Variants in ADORA2B observed in about 807,000 individuals in gnomAD.
ADORA2B encodes the protein adenosine receptor A2b.
Under a neutral mutation model 20.8 loss-of-function variants are expected in ADORA2B, and 18 were observed. The observed-to-expected ratio is 0.87, with a 90% CI of 0.60 to 1.29. ADORA2B has a LOEUF of 1.29. ADORA2B is among the 50% of genes most tolerant of loss of function. The pLI is 0.00. For missense variants in ADORA2B, 441 were observed against 422.7 expected (o/e 1.04, Z -0.38); for synonymous variants, 179 against 178.3 (o/e 1.00, Z -0.03).
chr17:15,867,490 G>T, the ADORA2B span, among the ~76,000 whole-genome samples: 2 of 149,200 alleles, frequency 1.3e-5, no homozygotes, highest in African/African-American at 5.1e-5. Flanking sequence ...TCTGAGAAGT[G>T]AGGAGCCCCT....
chr17:15,872,086 CAGAA>C, the ADORA2B span, among the ~76,000 whole-genome samples: 1 of 152,114 alleles, frequency 6.6e-6, no homozygotes, highest in Non-Finnish European at 1.5e-5. Flanking sequence ...TCCACAGAAA[CAGAA>C]AGCAGATGAG....
the ADORA2B span, among the ~76,000 whole-genome samples, chr17:15,876,332 C>T: frequency 6.6e-6 from 1 of 151,806 alleles, no homozygotes; most frequent in Non-Finnish European, 1.5e-5. Flanking sequence ...ACTTTTTTCT[C>T]TCCAAAAGCT....
chr17:15,974,626 G>A (rs946905761), intron 1 of ADORA2B, 53 bp from the exon 2 acceptor site: 3 of 1,491,268 alleles, frequency 2.0e-6, no homozygotes, highest in Admixed American at 2.0e-5. Flanking sequence ...GTCTTGGATT[G>A]TGGTTGCAGA....
At chr17:15,851,392 A>G in the ADORA2B span, among the ~76,000 whole-genome samples, 2 of 150,282 alleles carry the variant, frequency 1.3e-5, no homozygotes, top group South Asian at 4.3e-4. Flanking sequence ...GCCCAGGTCC[A>G]CCACTGCTGC....
At chr17:15,858,859 A>T in the ADORA2B span, 4 of 152,590 alleles carry the variant, frequency 2.6e-5, no homozygotes, top group East Asian at 7.7e-4. Context: ...GACTTACTGC[A>T]GTTTCAACCC....
the ADORA2B span, among the ~76,000 whole-genome samples, chr17:15,853,648 G>A: frequency 6.6e-6 from 1 of 152,154 alleles, no homozygotes; most frequent in Non-Finnish European, 1.5e-5. Context: ...CTGATAGTCT[G>A]TAATTTAAAT....
At chr17:15,929,551 A>ACCCGCATTC in the ADORA2B span, among the ~76,000 whole-genome samples, 1 of 152,224 alleles carries the variant, frequency 6.6e-6, no homozygotes, top group Non-Finnish European at 1.5e-5. Context: ...ATCAAAAGTC[A>ACCCGCATTC]ACCTGCTGCC....
chr17:15,880,428 C>T, the ADORA2B span, among the ~76,000 whole-genome samples: 1 of 139,484 alleles, frequency 7.2e-6, no homozygotes, highest in East Asian at 2.0e-4. Context: ...AGGGTCTGGG[C>T]CCAGGTGCTC....
At chr17:15,946,600 G>A (rs1296842765) in intron 1 of ADORA2B, among the ~76,000 whole-genome samples, 4 of 152,202 alleles carry the variant, frequency 2.6e-5, no homozygotes, top group Non-Finnish European at 4.4e-5. Flanking sequence ...TTCATTTATT[G>A]GGTGCCAACT....
the ADORA2B span, among the ~76,000 whole-genome samples, chr17:15,857,363 A>C: frequency 3.3e-5 from 5 of 152,178 alleles, no homozygotes; most frequent in African/African-American, 1.2e-4. Flanking sequence ...GAGAAATGTG[A>C]GGTTGGTGCC....
chr17:15,969,302 G>A (rs1411696222), intron 1 of ADORA2B, among the ~76,000 whole-genome samples: 1 of 151,702 alleles, frequency 6.6e-6, no homozygotes, highest in African/African-American at 2.4e-5. Context: ...TACAAAAAAA[G>A]AAATAGCCGG....
chr17:15,868,160 A>G, the ADORA2B span, among the ~76,000 whole-genome samples: 3 of 141,360 alleles, frequency 2.1e-5, 1 homozygote, highest in Non-Finnish European at 4.7e-5. Context: ...TGTTAAACAG[A>G]TGCTTGAAGG....
upstream of ADORA2B, among the ~76,000 whole-genome samples, chr17:15,944,596 T>G (rs1597842255): frequency 6.6e-6 from 1 of 152,026 alleles, no homozygotes; most frequent in East Asian, 1.9e-4. This position sits in a 1 kb window ranked among gnomAD's most constrained non-coding sequence, Gnocchi z 4.8. Flanking sequence ...GAGGGCTCCT[T>G]GCAGTCCGGC....
At chr17:15,966,722 T>A (rs896616586) in intron 1 of ADORA2B, among the ~76,000 whole-genome samples, 1 of 152,236 alleles carries the variant, frequency 6.6e-6, no homozygotes, top group Non-Finnish European at 1.5e-5. Flanking sequence ...CATAGCCATT[T>A]CCCAGAGTGT....
intron 1 of ADORA2B, among the ~76,000 whole-genome samples, chr17:15,950,839 G>A (rs553348352): frequency 2.0e-5 from 3 of 152,234 alleles, no homozygotes; most frequent in South Asian, 2.1e-4. Context: ...TTGCACCCCC[G>A]TTCCTCACTT....
the ADORA2B span, among the ~76,000 whole-genome samples, chr17:15,917,645 C>G: frequency 2.6e-5 from 4 of 152,228 alleles, no homozygotes; most frequent in South Asian, 4.1e-4. Flanking sequence ...CGGGGCCGGA[C>G]TCCAGCGGCA....
intron 1 of ADORA2B, among the ~76,000 whole-genome samples, chr17:15,958,574 T>G (rs1272418409): frequency 2.0e-5 from 3 of 152,172 alleles, no homozygotes; most frequent in African/African-American, 7.2e-5. Context: ...GTCTGGGGCC[T>G]AGGTCTGCTT....
the ADORA2B span, among the ~76,000 whole-genome samples, chr17:15,867,659 G>C: frequency 4.7e-5 from 7 of 150,262 alleles, no homozygotes; most frequent in African/African-American, 1.5e-4. Flanking sequence ...CGCCCCATCC[G>C]GGAGGGAGGT....
chr17:15,871,141 A>G, the ADORA2B span, among the ~76,000 whole-genome samples: 1 of 152,172 alleles, frequency 6.6e-6, no homozygotes, highest in Non-Finnish European at 1.5e-5. Context: ...TCCCACTCTT[A>G]GTGGTGTGTG....
Sources: gnomAD v4.1 joint callset for allele counts (sites outside exome capture counted in the v4.1 genomes callset) on GRCh38, gnomAD v4.1.1 for gene constraint, Gnocchi (gnomAD v3.1) non-coding constraint, MANE v1.5 for transcripts, NCBI Gene and HGNC (gene_info 2026-07-23, HGNC 2026-07-21) for gene names.